SIN3A: variants seen among roughly 807,000 people sequenced by gnomAD.
SIN3A encodes paired amphipathic helix protein Sin3a.
In SIN3A, 14 loss-of-function variants were observed where a neutral mutation model predicts 146.1. That is an observed-to-expected ratio of 0.10 (90% CI 0.06 to 0.15). The LOEUF is 0.15. Ranked by LOEUF, SIN3A falls within the 10% of genes least tolerant of loss-of-function variation. SIN3A has a pLI of 1.00. For synonymous variants in SIN3A, 572 were observed against 572.0 expected (o/e 1.00, Z 0.00); for missense variants, 1,028 against 1,576.0 (o/e 0.65, Z 5.89).
intron 1 of SIN3A, among the ~76,000 whole-genome samples, chr15:75,437,619 T>C (rs1400628312): frequency 6.6e-6 from 1 of 152,112 alleles, no homozygotes; most frequent in African/African-American, 2.4e-5. Context: ...AAAACCACGC[T>C]TGCAGAGGGG....
chr15:75,428,328 T>G (rs2073961217), intron 2 of SIN3A, among the ~76,000 whole-genome samples: 1 of 152,108 alleles, frequency 6.6e-6, no homozygotes, highest in African/African-American at 2.4e-5. Flanking sequence ...GTTTTGTTTT[T>G]AAGGAGACAG....
intron 19 of SIN3A, among the ~76,000 whole-genome samples, chr15:75,377,582 G>A (rs1193973562): frequency 2.0e-5 from 3 of 150,552 alleles, no homozygotes; most frequent in East Asian, 3.9e-4. Context: ...CCAAGATCGC[G>A]CCACTGCACT....
chr15:75,450,448 T>G (rs562623431), intron 1 of SIN3A, among the ~76,000 whole-genome samples: 1 of 152,106 alleles, frequency 6.6e-6, no homozygotes, highest in Non-Finnish European at 1.5e-5. Context: ...CTCCGCCACA[T>G]TTCTAGTCTC....
chr15:75,419,137 C>A (rs1004603031), intron 3 of SIN3A: 1 of 152,136 alleles, frequency 6.6e-6, no homozygotes, highest in Non-Finnish European at 1.5e-5. Flanking sequence ...TGCTAGAAAT[C>A]AGATTGTATA....
At chr15:75,434,345 A>G (rs758792223) in intron 1 of SIN3A, among the ~76,000 whole-genome samples, 40 of 152,196 alleles carry the variant, frequency 2.6e-4, no homozygotes, top group Admixed American at 3.9e-4. Context: ...TAGCCTCACT[A>G]GTAATAAAAA....
chr15:75,390,413 A>G (rs1472821615), intron 15 of SIN3A, among the ~76,000 whole-genome samples: 1 of 152,274 alleles, frequency 6.6e-6, no homozygotes, highest in East Asian at 1.9e-4. Flanking sequence ...CACAAATTGC[A>G]TTAAATCATC....
intron 2 of SIN3A, among the ~76,000 whole-genome samples, chr15:75,429,875 A>G (rs2073986031): frequency 6.6e-6 from 1 of 152,232 alleles, no homozygotes; most frequent in Non-Finnish European, 1.5e-5. Flanking sequence ...AAAATACCGA[A>G]ACTAAACAAT....
intron 1 of SIN3A, among the ~76,000 whole-genome samples, chr15:75,432,172 AT>A (rs2074023925): frequency 1.3e-5 from 2 of 152,246 alleles, no homozygotes; most frequent in Non-Finnish European, 2.9e-5. Context: ...GAGGTTGAGT[AT>A]ATAGATTTAT....
intron 13 of SIN3A, among the ~76,000 whole-genome samples, 188 bp from the exon 14 acceptor site, chr15:75,395,051 G>A (rs1036157277): frequency 6.6e-6 from 1 of 152,154 alleles, no homozygotes; most frequent in Non-Finnish European, 1.5e-5. Flanking sequence ...ACTCATCCAA[G>A]ACTTACTTTG....
chr15:75,434,692 C>T (rs2074073804), intron 1 of SIN3A, among the ~76,000 whole-genome samples: 1 of 149,784 alleles, frequency 6.7e-6, no homozygotes, highest in African/African-American at 2.5e-5. Flanking sequence ...CTCACACTTG[C>T]AATCCTAACA....
intron 6 of SIN3A, 32 bp from the exon 7 acceptor site, chr15:75,410,318 G>C: frequency 1.9e-6 from 3 of 1,606,316 alleles, no homozygotes; most frequent in Non-Finnish European, 2.5e-6. Context: ...GAGATCATTT[G>C]GGCTACTGTT....
intron 2 of SIN3A, among the ~76,000 whole-genome samples, chr15:75,423,713 A>G (rs1382358108): frequency 6.6e-6 from 1 of 152,010 alleles, no homozygotes; most frequent in Non-Finnish European, 1.5e-5. Context: ...TATATAGTTT[A>G]GCTGGGAACA....
chr15:75,421,586 G>A (rs2073841071), intron 3 of SIN3A: 1 of 152,142 alleles, frequency 6.6e-6, no homozygotes, highest in African/African-American at 2.4e-5. Context: ...TAAGTATCAG[G>A]GAAAACAGAA....
chr15:75,373,281 G>A (rs931438437), intron 20 of SIN3A, among the ~76,000 whole-genome samples: 2 of 152,140 alleles, frequency 1.3e-5, no homozygotes, highest in African/African-American at 4.8e-5. Flanking sequence ...GAGAGGCTGA[G>A]ACAAGAGAAT....
intron 9 of SIN3A, among the ~76,000 whole-genome samples, chr15:75,403,552 T>G (rs2073452403): frequency 6.6e-6 from 1 of 151,882 alleles, no homozygotes; most frequent in Non-Finnish European, 1.5e-5. Context: ...TTTCTTTTTT[T>G]TTTTTGAGAC....
intron 3 of SIN3A, 196 bp downstream of exon 3, chr15:75,422,451 T>TCCACAA (rs1407671134): frequency 3.1e-6 from 2 of 649,518 alleles, no homozygotes; most frequent in Admixed American, 2.4e-5. Context: ...AACATTTGAG[T>TCCACAA]ATATTCTTCT....
At chr15:75,380,789 A>G in intron 18 of SIN3A, 66 bp from the exon 19 acceptor site, 1 of 1,069,810 alleles carries the variant, frequency 9.3e-7, no homozygotes, top group Non-Finnish European at 1.5e-6. Context: ...TGCATTGGGC[A>G]CTCTAGTAAA....
intron 11 of SIN3A, among the ~76,000 whole-genome samples, chr15:75,400,501 G>A (rs1270090855): frequency 6.6e-6 from 1 of 152,144 alleles, no homozygotes; most frequent in Non-Finnish European, 1.5e-5. Flanking sequence ...TTGAGCCCAG[G>A]AGGTTGAGGC....
intron 15 of SIN3A, among the ~76,000 whole-genome samples, chr15:75,391,487 T>C (rs899530451): frequency 1.4e-5 from 2 of 145,434 alleles, no homozygotes; most frequent in Admixed American, 7.0e-5. Context: ...CTGGGCTTCC[T>C]ACATCAGCAA....
Sources: gnomAD v4.1 joint callset for allele counts (sites outside exome capture counted in the v4.1 genomes callset) on GRCh38, gnomAD v4.1.1 for gene constraint, MANE v1.5 for transcripts, NCBI Gene and HGNC (gene_info 2026-07-23, HGNC 2026-07-21) for gene names.